INPP4B: variants seen among roughly 807,000 people sequenced by gnomAD.
INPP4B encodes inositol polyphosphate-4-phosphatase type II B, also known as inositol polyphosphate 4-phosphatase type II.
A neutral mutation model predicts 122.5 loss-of-function variants in INPP4B; 55 were observed. The observed-to-expected ratio is 0.45, with a 90% confidence interval of 0.36 to 0.56. The LOEUF (loss-of-function observed/expected upper bound fraction) is 0.56, where lower values mean the gene tolerates loss of function less well. Among genes scored for constraint, INPP4B ranks in the 20% least tolerant of loss-of-function variants. The pLI is 0.00. For missense variants in INPP4B, 1,000 were observed against 1,097.7 expected (o/e 0.91, Z 1.26); for synonymous variants, 403 against 388.7 (o/e 1.04, Z -0.43).
chr4:142,661,887 G>A (rs776780025), intron 2 of INPP4B, among the ~76,000 whole-genome samples: 1 of 152,192 alleles, frequency 6.6e-6, no homozygotes, highest in African/African-American at 2.4e-5. Context: ...TCTTCCACAT[G>A]ATCTGATGGG....
At chr4:142,198,303 A>C (rs1839204579) in intron 14 of INPP4B, among the ~76,000 whole-genome samples, 8 of 151,990 alleles carry the variant, frequency 5.3e-5, no homozygotes, top group Admixed American at 5.2e-4. Context: ...GAATTGATGT[A>C]ATTCTTATTT....
intron 2 of INPP4B, among the ~76,000 whole-genome samples, chr4:142,572,201 A>C (rs1160146302): frequency 2.0e-5 from 3 of 152,148 alleles, no homozygotes; most frequent in Non-Finnish European, 4.4e-5. Context: ...TGGCATGTAA[A>C]ACTATGAAAT....
intron 23 of INPP4B, among the ~76,000 whole-genome samples, chr4:142,104,886 A>C (rs1786219817): frequency 6.6e-6 from 1 of 152,128 alleles, no homozygotes; most frequent in Non-Finnish European, 1.5e-5. Context: ...CATTTTAATA[A>C]TATTTTTGTC....
At chr4:142,099,682 A>G (rs1402765532) in intron 23 of INPP4B, among the ~76,000 whole-genome samples, 1 of 152,166 alleles carries the variant, frequency 6.6e-6, no homozygotes, top group Non-Finnish European at 1.5e-5. Flanking sequence ...GGAAATTTAG[A>G]CACACTTACT....
intron 9 of INPP4B, among the ~76,000 whole-genome samples, chr4:142,299,411 T>A (rs557713099): frequency 1.3e-5 from 2 of 152,170 alleles, no homozygotes; most frequent in South Asian, 2.1e-4. Context: ...TGCCTCGGCC[T>A]TCTAAAGTGC....
chr4:142,723,753 A>T (rs1764994052), intron 2 of INPP4B, among the ~76,000 whole-genome samples: 2 of 152,148 alleles, frequency 1.3e-5, no homozygotes, highest in South Asian at 4.1e-4. Flanking sequence ...AGTATGTCTT[A>T]AACTTCCACT....
At chr4:142,591,133 T>C (rs1737400017) in intron 2 of INPP4B, among the ~76,000 whole-genome samples, 1 of 151,946 alleles carries the variant, frequency 6.6e-6, no homozygotes, top group Non-Finnish European at 1.5e-5. Flanking sequence ...TTGGCAACAT[T>C]GCAAAGTATT....
rs1354793689 is a variant in INPP4B, at chr4:142,090,687, A to G, written c.2375-4431T>C. Among the ~76,000 whole-genome samples, 5 of 147,648 alleles carry G rather than the reference A, an allele frequency of 3.4e-5. No homozygotes were observed. The Admixed American group carries it at 3.6e-4, about 11-fold the overall frequency. ...AGACAGGGCAGCTGAGTCTCTATGCATATCTCCATAATAGTATTCTTTTTT... is the reference window on the plus strand; with the variant it reads ...AGACAGGGCAGCTGAGTCTCTATGCGTATCTCCATAATAGTATTCTTTTTT... On this transcript the variant is annotated intron_variant, in intron 23 of 25. Coordinates refer to ENST00000262992, the MANE Select transcript of INPP4B (RefSeq NM_001101669.3).
rs1737084527 is a variant in INPP4B, at chr4:142,026,626, C to T, written c.*2156G>A. On this transcript the variant is annotated 3_prime_UTR_variant, in exon 26 of 26. Coordinates refer to ENST00000262992, the MANE Select transcript of INPP4B (RefSeq NM_001101669.3). Reference sequence around the variant, plus strand: ...GGATTACACGTGTGTGCCACCACATCCAGCTAATTTTTGTATCTTTAGTAG... The same window carrying T: ...GGATTACACGTGTGTGCCACCACATTCAGCTAATTTTTGTATCTTTAGTAG... The T allele has an allele frequency of 6.6e-6, 1 of 152,276 alleles. No individual in the cohort carries two copies. Among genetic ancestry groups the T allele is most frequent in the African/African-American group, 2.4e-5 (1 of 41,432 alleles). 9.4% of individuals were successfully genotyped at this position (152,276 alleles called of 1,614,324 possible).
intron 25 of INPP4B, among the ~76,000 whole-genome samples, chr4:142,072,038 A>G (rs202238430): frequency 6.6e-6 from 1 of 152,140 alleles, no homozygotes; most frequent in Non-Finnish European, 1.5e-5. Flanking sequence ...ACATGCACAC[A>G]TATGTTTATT....
chr4:142,782,193 T>C (rs1158189674), intron 1 of INPP4B, among the ~76,000 whole-genome samples: 4 of 151,950 alleles, frequency 2.6e-5, no homozygotes, highest in Non-Finnish European at 5.9e-5. Flanking sequence ...CCATGTGTTC[T>C]CATTGTTCAA....
Position 142,118,530 on chromosome 4 carries a change from A to G in INPP4B, c.2135+3598T>C, listed in dbSNP as rs182128779. On this transcript the variant is annotated intron_variant, in intron 21 of 25. Transcript: ENST00000262992. Reference sequence around the variant, plus strand: ...CTGATCTTTGAAAAACTTGACAAAAACAAGAAATGGGGAAAGGATTCCCTA... The same window carrying G: ...CTGATCTTTGAAAAACTTGACAAAAGCAAGAAATGGGGAAAGGATTCCCTA... Among the ~76,000 whole-genome samples the G allele has an allele frequency of 3.3e-5, 5 of 152,320 alleles. No homozygotes were observed. The East Asian group carries it at 5.8e-4, about 18-fold the overall frequency.
At chr4:142,163,743 T>C (rs772721291) in intron 16 of INPP4B, among the ~76,000 whole-genome samples, 7 of 151,830 alleles carry the variant, frequency 4.6e-5, no homozygotes, top group Non-Finnish European at 1.0e-4. Context: ...TCTTGGAACA[T>C]ATCCTCGTGG....
chr4:142,498,205 A>G (rs1051942380), intron 2 of INPP4B, among the ~76,000 whole-genome samples: 9 of 149,660 alleles, frequency 6.0e-5, no homozygotes, highest in African/African-American at 7.3e-5. Flanking sequence ...GCGTGTGTGT[A>G]TATATATATA....
At chr4:142,215,828 G>C (rs375780912) in intron 12 of INPP4B, among the ~76,000 whole-genome samples, 1 of 144,634 alleles carries the variant, frequency 6.9e-6, no homozygotes, top group African/African-American at 2.6e-5. Flanking sequence ...AGGAGGCGGA[G>C]CTTGCAGTGA....
At chr4:142,453,967 C>T (rs1179698603) in intron 3 of INPP4B, among the ~76,000 whole-genome samples, 14 of 152,048 alleles carry the variant, frequency 9.2e-5, no homozygotes, top group Admixed American at 9.2e-4. Context: ...TAACAAATGC[C>T]TTGTGAAACA....
chr4:142,286,831 T>G (rs1753931221), intron 9 of INPP4B: 1 of 152,204 alleles, frequency 6.6e-6, no homozygotes, highest in Non-Finnish European at 1.5e-5. Context: ...CTTTTTTATC[T>G]TTTTGATCTT....
intron 9 of INPP4B, among the ~76,000 whole-genome samples, chr4:142,295,112 A>T (rs548670384): frequency 6.6e-6 from 1 of 152,218 alleles, no homozygotes; most frequent in Non-Finnish European, 1.5e-5. Context: ...CCTGAAACAA[A>T]CAAAAGGCAG....
intron 25 of INPP4B, among the ~76,000 whole-genome samples, chr4:142,032,359 C>T (rs1245970083): frequency 6.6e-6 from 1 of 151,968 alleles, no homozygotes. Context: ...GTTATGGACC[C>T]CATTTCCATT....
Sources: gnomAD v4.1 joint callset for allele counts (sites outside exome capture counted in the v4.1 genomes callset) on GRCh38, gnomAD v4.1.1 for gene constraint, MANE v1.5 for transcripts, NCBI Gene and HGNC (gene_info 2026-07-23, HGNC 2026-07-21) for gene names.